Variants in MYT1 observed in about 807,000 individuals in gnomAD.
MYT1 encodes myelin transcription factor I.
In MYT1, 23 loss-of-function variants were observed where a neutral mutation model predicts 123.0. The observed-to-expected ratio is 0.19, with a 90% CI of 0.13 to 0.26. The LOEUF (loss-of-function observed/expected upper bound fraction) is 0.26, where lower values mean the gene tolerates loss of function less well. MYT1 is among the 10% of genes least tolerant of loss of function. The pLI, the probability that MYT1 is intolerant of heterozygous loss-of-function variation, is 1.00. For synonymous variants in MYT1, 518 were observed against 575.3 expected (o/e 0.90, Z 1.43); for missense variants, 1,125 against 1,472.5 (o/e 0.76, Z 3.86).
Position 64,208,055 on chromosome 20 carries a change from G to A in MYT1, c.859G>A (p.Glu287Lys). The change falls in exon 7 of 23, where the codon GAG (glutamate) becomes AAG (lysine). Residue 287 changes from glutamate (E) to lysine (K), a missense_variant. Glu to Lys is a moderately conservative substitution (Grantham distance 56). This residue lies in a region of MYT1 where 406 missense variants were observed against 432.2 expected (regional missense o/e 0.94). Transcript: ENST00000328439. This position sits in a 1 kb window ranked among gnomAD's most constrained non-coding sequence, Gnocchi z 5.4. The stretch of plus-strand genomic sequence containing the variant: ...AGAGGAAGAGGAGGAGGAAGAGGAA[G>A]AGGAGGAGGAGGAAGAGGAAGAGGA... Reference protein sequence around the residue: ...EEEEEEEEEEEEEEEEEEEEE... With the variant: ...EEEEEEEEEEKEEEEEEEEEE... 1 of 1,584,496 alleles carries A rather than the reference G, an allele frequency of 6.3e-7. No individual in the cohort carries two copies. The highest frequency in any genetic ancestry group is 1.1e-5 in the South Asian group (1 of 87,326).
At position 64,219,985 on chromosome 20, in the gene MYT1, G is replaced by A. The variant is rs777535559; in HGVS notation, c.2241+3G>A. 1 of 1,466,982 alleles carries A rather than the reference G, an allele frequency of 6.8e-7. No homozygotes were observed. The allele number at this position is 1,466,982 out of a possible 1,614,324, so 90.9% of individuals were successfully genotyped here. A position where few individuals can be genotyped will look rare whatever the true frequency, so the allele number is the denominator to read the frequency against. ...TGAGAGAGGAGGAACCTGAGGAGGT[G>A]GGTGCAGGCGCCTGGGCAAGCAGTC... On this transcript the variant is annotated splice_donor_region_variant and intron_variant, in intron 13 of 22. Transcript: ENST00000328439.
intron 1 of MYT1, among the ~76,000 whole-genome samples, chr20:64,172,013 C>T (rs1982298602): frequency 6.6e-6 from 1 of 152,196 alleles, no homozygotes; most frequent in Admixed American, 6.5e-5. Flanking sequence ...CTCCCCCTGC[C>T]AGCCCCTCCT....
intron 19 of MYT1, among the ~76,000 whole-genome samples, chr20:64,235,667 T>C (rs1270290969): frequency 7.9e-5 from 10 of 126,520 alleles, no homozygotes; most frequent in Non-Finnish European, 9.8e-5. Flanking sequence ...GGGATGGCCG[T>C]GGTGGGTGAC....
At chr20:64,221,833 G>A (rs939194194) in intron 13 of MYT1, 60 bp from the exon 14 acceptor site, 1 of 1,585,564 alleles carries the variant, frequency 6.3e-7, no homozygotes, top group Admixed American at 1.7e-5. Context: ...CGCCCACTGG[G>A]TTGGGCGCCC....
At chr20:64,216,906 A>G (rs1446348198) in intron 10 of MYT1, among the ~76,000 whole-genome samples, 161 bp from the exon 11 acceptor site, 6 of 152,152 alleles carry the variant, frequency 3.9e-5, no homozygotes, top group Non-Finnish European at 5.9e-5. Flanking sequence ...AACTCTGCCC[A>G]GCTTTAGTGG....
Position 64,236,744 on chromosome 20 carries a change from T to C in MYT1, c.2989+98T>C, listed in dbSNP as rs753978841. 2.0e-4 allele frequency: 211 copies of C among 1,036,230 alleles called. 1 individual carries two copies. Among genetic ancestry groups the C allele is most frequent in the Non-Finnish European group, 2.7e-4 (182 of 672,946 alleles). 64.2% of individuals were successfully genotyped at this position (1,036,230 alleles called of 1,614,324 possible). On this transcript the variant is annotated intron_variant, in intron 20 of 22. Transcript: ENST00000328439. ...GCTGGTGGGAAGAAGGTTAGGGAGA[T>C]GAAGCCCCTCCTGGAATGAGTCACG...
At position 64,231,626 on chromosome 20, in the gene MYT1, C is replaced by G. The variant is rs1449125818; in HGVS notation, c.2676-538C>G. On this transcript the variant is annotated intron_variant, in intron 18 of 22. Coordinates refer to ENST00000328439, the MANE Select transcript of MYT1 (RefSeq NM_004535.3). The surrounding 1 kb of genome is among the most constrained non-coding windows in gnomAD (Gnocchi z 6.4). ...GCTGCAACATCTATGGGCATTGCCC[C>G]CTGATTGCACTGGCCTCAGTCTGGG... is the stretch of plus-strand genomic sequence containing the variant. Among the ~76,000 whole-genome samples the G allele has an allele frequency of 6.6e-6, 1 of 152,224 alleles. No individual in the cohort carries two copies. Among genetic ancestry groups the G allele is most frequent in the East Asian group, 1.9e-4 (1 of 5,192 alleles).
chr20:64,237,306 G>C lies in MYT1; in HGVS notation c.3009G>C (p.Glu1003Asp), dbSNP rs1464552504. The C allele has an allele frequency of 2.5e-6, 4 of 1,611,100 alleles. No homozygotes were observed. The highest frequency in any genetic ancestry group is 3.4e-6 in the Non-Finnish European group (4 of 1,179,346). ...KTSDVLENDEEIKQLNQEIRD... is the reference protein window; with the variant it reads ...KTSDVLENDEDIKQLNQEIRD... Reference sequence around the variant, plus strand: ...GGTCAGTGTTGGAGAATGATGAGGAGATCAAGCAGCTGAACCAGGAGATCC... The same window carrying C: ...GGTCAGTGTTGGAGAATGATGAGGACATCAAGCAGCTGAACCAGGAGATCC... The change falls in exon 21 of 23, where the codon GAG becomes GAC. Residue 1003 changes from glutamate (E) to aspartate (D), a missense_variant. Physicochemically the swap from Glu to Asp is conservative, Grantham distance 45. This residue lies in a region of MYT1 where 243 missense variants were observed against 323.1 expected (regional missense o/e 0.75). Transcript: ENST00000328439.
At chr20:64,225,010 A>C (rs1419722995) in intron 16 of MYT1, among the ~76,000 whole-genome samples, 1 of 152,198 alleles carries the variant, frequency 6.6e-6, no homozygotes, top group African/African-American at 2.4e-5. Context: ...CTTTAGAAAT[A>C]ACGACCAAAA....
At chr20:64,199,337 G>T (rs1358213386) in intron 3 of MYT1, among the ~76,000 whole-genome samples, 1 of 152,188 alleles carries the variant, frequency 6.6e-6, no homozygotes, top group Non-Finnish European at 1.5e-5. Context: ...GACTCTGTTA[G>T]GATCTGAGCC....
intron 5 of MYT1, among the ~76,000 whole-genome samples, 190 bp downstream of exon 5, chr20:64,205,287 A>G (rs1256757096): frequency 1.4e-5 from 2 of 140,644 alleles, no homozygotes; most frequent in African/African-American, 2.5e-5. Context: ...ATGTGGGGGA[A>G]GACAGACCAT....
rs1025428395 is a variant in MYT1 at position 64,196,627 on chromosome 20, G to A, written c.1-2235G>A. ...TTCCCTTTAAAAATCAAAGCTACACGCTCCTAAGAGAACTTCTCGCTTATT... is the reference window on the plus strand; with the variant it reads ...TTCCCTTTAAAAATCAAAGCTACACACTCCTAAGAGAACTTCTCGCTTATT... On this transcript the variant is annotated intron_variant, in intron 2 of 22. Coordinates refer to ENST00000328439, the MANE Select transcript of MYT1 (RefSeq NM_004535.3). This position sits in a 1 kb window ranked among gnomAD's most constrained non-coding sequence, Gnocchi z 4.3. Among the ~76,000 whole-genome samples, 8 of 152,088 alleles carry A rather than the reference G, an allele frequency of 5.3e-5. No homozygotes were observed. Among genetic ancestry groups the A allele is most frequent in the African/African-American group, 1.7e-4 (7 of 41,404 alleles).
intron 19 of MYT1, among the ~76,000 whole-genome samples, chr20:64,235,791 G>C (rs1264351595): frequency 2.8e-5 from 2 of 71,956 alleles, no homozygotes; most frequent in Non-Finnish European, 2.8e-5. Context: ...TGGCTGTGGT[G>C]GGTGACACTG....
rs560544521 is a variant in MYT1, at chr20:64,203,365, C to T, written c.87-1670C>T. ...TTTGTGAAAAGTCCCAAAGCTAGTT[C>T]TCCAAAGAGTGAAAGCAAGTGTGGG... is the stretch of plus-strand genomic sequence containing the variant. On this transcript the variant is annotated intron_variant, in intron 4 of 22. Coordinates refer to ENST00000328439, the MANE Select transcript of MYT1 (RefSeq NM_004535.3). The surrounding 1 kb of genome is among the most constrained non-coding windows in gnomAD (Gnocchi z 5.1). 2.6e-5 allele frequency among the ~76,000 whole-genome samples: 4 copies of T among 152,336 alleles called. No homozygotes were observed. Among genetic ancestry groups the T allele is most frequent in the East Asian group, 1.9e-4 (1 of 5,180 alleles).
rs1982801392 is a variant in MYT1, at chr20:64,186,351, ATGT to A, written c.-98-3710_-98-3708del. 6.6e-6 allele frequency among the ~76,000 whole-genome samples: 1 copy of A among 152,150 alleles called. No homozygotes were observed. Among genetic ancestry groups the A allele is most frequent in the East Asian group, 1.9e-4 (1 of 5,188 alleles). Reference sequence around the variant, plus strand: ...CGTGCTCAGGATGGAGCGGTCTCTGATGTTCCGTTTCCCATTCGCATCCACGAG... The same window carrying A: ...CGTGCTCAGGATGGAGCGGTCTCTGATCCGTTTCCCATTCGCATCCACGAG... On this transcript the variant is annotated intron_variant, in intron 1 of 22. Coordinates refer to ENST00000328439, the MANE Select transcript of MYT1 (RefSeq NM_004535.3). The surrounding 1 kb of genome is among the most constrained non-coding windows in gnomAD (Gnocchi z 4.3).
chr20:64,193,789 C>T lies in MYT1; in HGVS notation c.-1+3629C>T, dbSNP rs534318360. On this transcript the variant is annotated intron_variant, in intron 2 of 22. Coordinates refer to ENST00000328439, the MANE Select transcript of MYT1 (RefSeq NM_004535.3). This position sits in a 1 kb window ranked among gnomAD's most constrained non-coding sequence, Gnocchi z 4.0. ...GAAAACCATTATGCAAGAGGCTCAA[C>T]CGTCCCACCGAGACACTATAACCTA... Among the ~76,000 whole-genome samples, 4 of 134,068 alleles carry T rather than the reference C, an allele frequency of 3.0e-5. No homozygotes were observed. The highest frequency in any genetic ancestry group is 1.1e-4 in the African/African-American group (4 of 35,540). The allele number at this position is 134,068 out of a possible 152,430, so 88.0% of individuals were successfully genotyped here.
At chr20:64,224,798 G>C (rs1402547702) in intron 16 of MYT1, among the ~76,000 whole-genome samples, 1 of 151,944 alleles carries the variant, frequency 6.6e-6, no homozygotes, top group East Asian at 1.9e-4. Flanking sequence ...TTTCCCATTT[G>C]GGCCTGAATA....
At chr20:64,209,460 G>C (rs1462537972) in intron 7 of MYT1, among the ~76,000 whole-genome samples, 1 of 152,246 alleles carries the variant, frequency 6.6e-6, no homozygotes, top group East Asian at 1.9e-4. Flanking sequence ...GACCTGCCCT[G>C]ATCTCGGCCT....
Position 64,217,212 on chromosome 20 carries a change from C to A in MYT1, c.1777C>A (p.Gln593Lys), listed in dbSNP as rs1983863031. ...CTTTGACTACGCAAGTTTCGATGCT[C>A]AGGTTTTTGGCAAACGCATGCTTGC... The part of the protein sequence containing the change: ...VTFDYASFDA[Q>K]VFGKRMLAPK... Residue 593 changes from glutamine (Q) to lysine (K), a missense_variant, in exon 11 of 23, where the codon CAG becomes AAG. This residue lies in a region of MYT1 where 429 missense variants were observed against 604.1 expected (regional missense o/e 0.71). Coordinates refer to ENST00000328439, the MANE Select transcript of MYT1 (RefSeq NM_004535.3). 6.2e-7 allele frequency: 1 copy of A among 1,614,154 alleles called. No homozygotes were observed. Among genetic ancestry groups the A allele is most frequent in the Non-Finnish European group, 8.5e-7 (1 of 1,180,060 alleles).
Sources: gnomAD v4.1 joint callset for allele counts (sites outside exome capture counted in the v4.1 genomes callset) on GRCh38, gnomAD v4.1.1 for gene constraint, gnomAD v4.1.1 regional missense constraint, Gnocchi (gnomAD v3.1) non-coding constraint, MANE v1.5 for transcripts, NCBI Gene and HGNC (gene_info 2026-07-23, HGNC 2026-07-21) for gene names.